Variants in WAPL observed in about 807,000 individuals in gnomAD.
WAPL encodes WAPL cohesin release factor.
Under a neutral mutation model 121.0 loss-of-function variants are expected in WAPL, and 5 were observed. That is an observed-to-expected ratio of 0.04 (90% CI 0.02 to 0.09). The LOEUF is 0.09. Ranked by LOEUF, WAPL falls within the 10% of genes least tolerant of loss-of-function variation. WAPL has a pLI of 1.00. For missense variants in WAPL, 999 were observed against 1,410.8 expected (o/e 0.71, Z 4.68); for synonymous variants, 480 against 481.5 (o/e 1.00, Z 0.04).
intron 9 of WAPL, among the ~76,000 whole-genome samples, chr10:86,463,112 C>A (rs1036333338): frequency 2.6e-5 from 4 of 152,202 alleles, no homozygotes; most frequent in Non-Finnish European, 5.9e-5. Flanking sequence ...AATTAAAGCA[C>A]AGCCAAATCA....
At chr10:86,439,018 T>C (rs1319873122) in intron 17 of WAPL, among the ~76,000 whole-genome samples, 3 of 152,162 alleles carry the variant, frequency 2.0e-5, no homozygotes, top group African/African-American at 2.4e-5. Context: ...AAAGAAAGTA[T>C]ACTGTCCCAA....
rs1168809756 is a variant in WAPL at position 86,456,977 on chromosome 10, C to G, written c.2657+2012G>C. Among the ~76,000 whole-genome samples, 4 of 152,148 alleles carry G rather than the reference C, an allele frequency of 2.6e-5. No individual in the cohort carries two copies. In the East Asian group the frequency reaches 7.7e-4, roughly 29 times the overall value. ...AGACATTTGGCCTGAATTTCCTAAT[C>G]ACAACAAAAGAGCACCTGTCATATC... On this transcript the variant is annotated intron_variant, in intron 12 of 18. Transcript: ENST00000298767.
intron 2 of WAPL, among the ~76,000 whole-genome samples, chr10:86,503,723 G>A (rs956251637): frequency 2.0e-5 from 3 of 149,308 alleles, no homozygotes; most frequent in South Asian, 2.1e-4. Flanking sequence ...ACTGCACCAC[G>A]GCCTGGGTGA....
chr10:86,490,416 C>G (rs1391685255), intron 4 of WAPL, among the ~76,000 whole-genome samples: 1 of 152,104 alleles, frequency 6.6e-6, no homozygotes, highest in Non-Finnish European at 1.5e-5. Flanking sequence ...CAGATAGATT[C>G]CTTTGTAATC....
chr10:86,458,524 T>C (rs899730599), intron 12 of WAPL, among the ~76,000 whole-genome samples: 2 of 152,224 alleles, frequency 1.3e-5, no homozygotes, highest in African/African-American at 4.8e-5. Context: ...AGTACTGTTC[T>C]AGGCTTTGCA....
chr10:86,443,177 A>G, intron 17 of WAPL, 98 bp downstream of exon 17: 1 of 915,736 alleles, frequency 1.1e-6, no homozygotes. Flanking sequence ...TAAGGGGGAA[A>G]CACTGAAGAA....
chr10:86,442,189 G>A (rs541938555), intron 17 of WAPL, among the ~76,000 whole-genome samples: 3 of 152,194 alleles, frequency 2.0e-5, no homozygotes, highest in South Asian at 2.1e-4. Context: ...GCACCGCCAC[G>A]CCCAGCAAAT....
intron 2 of WAPL, among the ~76,000 whole-genome samples, chr10:86,512,416 TAA>T (rs1169805199): frequency 6.6e-6 from 1 of 152,228 alleles, no homozygotes; most frequent in Non-Finnish European, 1.5e-5. Flanking sequence ...AGCCGAAATA[TAA>T]GTCTTTGCAC....
chr10:86,511,559 C>A (rs1842463709), intron 2 of WAPL, among the ~76,000 whole-genome samples: 1 of 152,178 alleles, frequency 6.6e-6, no homozygotes, highest in Non-Finnish European at 1.5e-5. Flanking sequence ...TGAACTGTGC[C>A]TTACCCTCAA....
At chr10:86,477,116 A>G (rs1214251643) in intron 4 of WAPL, among the ~76,000 whole-genome samples, 2 of 152,240 alleles carry the variant, frequency 1.3e-5, no homozygotes, top group African/African-American at 2.4e-5. Context: ...GGGAGGAGAG[A>G]TATTGAAGAC....
intron 2 of WAPL, among the ~76,000 whole-genome samples, chr10:86,509,913 C>T (rs201858230): frequency 6.6e-6 from 1 of 151,654 alleles, no homozygotes; most frequent in African/African-American, 2.4e-5. Context: ...TACAGGCACC[C>T]GCCACCGTGC....
At chr10:86,491,948 A>G (rs1456645811) in intron 4 of WAPL, among the ~76,000 whole-genome samples, 4 of 152,202 alleles carry the variant, frequency 2.6e-5, no homozygotes, top group Non-Finnish European at 5.9e-5. Flanking sequence ...CTCCTACTGT[A>G]CATCAGATAG....
chr10:86,471,711 G>C (rs950420837), intron 7 of WAPL, among the ~76,000 whole-genome samples: 2 of 152,058 alleles, frequency 1.3e-5, no homozygotes, highest in African/African-American at 2.4e-5. Flanking sequence ...CCAGGCTGGA[G>C]TGCAGCAGCA....
Position 86,505,851 on chromosome 10 carries a change from G to A in WAPL, c.500-5108C>T, listed in dbSNP as rs535233114. ...TGTTCTTGTATTTTTTTAAACATAC[G>A]AAAGTGAACAGTTTCTGGGGCATAA... On this transcript the variant is annotated intron_variant, in intron 2 of 18. Transcript: ENST00000298767. Among the ~76,000 whole-genome samples, 8 of 152,114 alleles carry A rather than the reference G, an allele frequency of 5.3e-5. 1 individual carries two copies. The East Asian group carries it at 5.8e-4, about 11-fold the overall frequency.
chr10:86,453,970 C>T (rs977824889), intron 12 of WAPL, 139 bp from the exon 13 acceptor site: 6 of 725,798 alleles, frequency 8.3e-6, no homozygotes, highest in African/African-American at 1.9e-5. Flanking sequence ...AAAACTTATT[C>T]AAGGAATGTT....
At chr10:86,458,295 A>G (rs1369393252) in intron 12 of WAPL, among the ~76,000 whole-genome samples, 2 of 152,262 alleles carry the variant, frequency 1.3e-5, no homozygotes, top group African/African-American at 2.4e-5. Context: ...GGTTGCTGTA[A>G]TAAGACAGAA....
At chr10:86,481,878 G>C (rs1187374248) in intron 4 of WAPL, among the ~76,000 whole-genome samples, 1 of 151,212 alleles carries the variant, frequency 6.6e-6, no homozygotes, top group Admixed American at 6.6e-5. Flanking sequence ...AATGGAAACG[G>C]AAAACCCCAA....
intron 15 of WAPL, among the ~76,000 whole-genome samples, chr10:86,449,827 CGTT>C (rs1230900440): frequency 1.3e-5 from 2 of 152,066 alleles, no homozygotes; most frequent in Non-Finnish European, 2.9e-5. Flanking sequence ...ATAGAAAACA[CGTT>C]GGTGGTAGCT....
chr10:86,507,176 T>C (rs1053824983), intron 2 of WAPL, among the ~76,000 whole-genome samples: 1 of 151,350 alleles, frequency 6.6e-6, no homozygotes, highest in Non-Finnish European at 1.5e-5. Context: ...AAGACCACCC[T>C]GGCCAATATA....
Sources: allele counts gnomAD v4.1 joint callset (sites outside exome capture counted in the v4.1 genomes callset), GRCh38; gene constraint gnomAD v4.1.1; transcripts MANE v1.5; gene names NCBI Gene and HGNC (gene_info 2026-07-23, HGNC 2026-07-21).